CHD3: variants seen among roughly 807,000 people sequenced by gnomAD.
CHD3 encodes the protein chromodomain helicase DNA binding protein 3.
A neutral mutation model predicts 248.9 loss-of-function variants in CHD3; 52 were observed. That is an observed-to-expected ratio of 0.21 (90% CI 0.17 to 0.26). The LOEUF (loss-of-function observed/expected upper bound fraction) is 0.26. CHD3 is among the 10% of genes least tolerant of loss of function. The pLI is 1.00. For missense variants in CHD3, 1,482 were observed against 2,605.8 expected (o/e 0.57, Z 9.39); for synonymous variants, 985 against 985.2 (o/e 1.00, Z 0.00).
At chr17:7,902,880 G>A (rs1261537220) in intron 21 of CHD3, 57 bp from the exon 22 acceptor site, 5 of 1,601,778 alleles carry the variant, frequency 3.1e-6, no homozygotes, top group South Asian at 1.1e-5. Context: ...ACATCTAGGA[G>A]CAGGTGGACA....
In CHD3 at chr17:7,906,256, C is replaced by T; in HGVS notation, c.4358+267C>T. ...CCTCTCCTGGGCTGTCCTAGCCTCA[C>T]ATTTACTTGACCACAATAACCTGGC... On this transcript the variant is annotated intron_variant, in intron 28 of 39. Coordinates refer to ENST00000330494, the MANE Select transcript of CHD3 (RefSeq NM_001005273.3). This position sits in a 1 kb window ranked among gnomAD's most constrained non-coding sequence, Gnocchi z 5.0. 1 of 715,482 alleles carries T rather than the reference C, an allele frequency of 1.4e-6. No individual in the cohort carries two copies. The highest frequency in any genetic ancestry group is 2.5e-6 in the Non-Finnish European group (1 of 395,420). The allele number at this position is 715,482 out of a possible 1,614,324, so 44.3% of individuals were successfully genotyped here.
At position 7,898,020 on chromosome 17, in the gene CHD3, C is replaced by T. The variant is rs756903420; in HGVS notation, c.1969C>T (p.Pro657Ser). The T allele has an allele frequency of 1.1e-5, 17 of 1,613,880 alleles. No individual in the cohort carries two copies. In the East Asian group the frequency reaches 1.1e-4, roughly 11 times the overall value. ...CTATCTAGTAAAATGGAGGGACTTA[C>T]CATATGACCAGTCCACGTGGGAGGA... is the stretch of plus-strand genomic sequence containing the variant. ...YHYLVKWRDL[P>S]YDQSTWEEDE... is the part of the protein sequence containing the mutation. The change falls in exon 12 of 40, where the codon CCA becomes TCA. Residue 657 changes from proline to serine, a missense_variant. Transcript: ENST00000330494.
upstream of CHD3, among the ~76,000 whole-genome samples, chr17:7,886,003 T>A (rs1967882717): frequency 6.6e-6 from 1 of 151,702 alleles, no homozygotes; most frequent in Admixed American, 6.6e-5. The surrounding 1 kb of genome is among the most constrained non-coding windows in gnomAD (Gnocchi z 4.2). Context: ...GGCTCTTTTG[T>A]GTCAAGTGCG....
chr17:7,885,124 A>G, upstream of CHD3: 1 of 974,536 alleles, frequency 1.0e-6, no homozygotes, highest in Non-Finnish European at 1.2e-6. Flanking sequence ...CCCGAGTGGG[A>G]GCCGCGGGCG....
At position 7,903,526 on chromosome 17, in the gene CHD3, T is replaced by G; in HGVS notation, c.3727+23T>G. On this transcript the variant is annotated intron_variant, in intron 23 of 39. Coordinates refer to ENST00000330494, the MANE Select transcript of CHD3 (RefSeq NM_001005273.3). The surrounding 1 kb of genome is among the most constrained non-coding windows in gnomAD (Gnocchi z 6.8). ...AGGGTGAGAACCTTTTCTGCAGCTC[T>G]GTGAAAGCAGGCCCCTGCTCTCTCA... 4 of 1,579,652 alleles carry G rather than the reference T, an allele frequency of 2.5e-6. No homozygotes were observed. Among genetic ancestry groups the G allele is most frequent in the Non-Finnish European group, 3.5e-6 (4 of 1,154,738 alleles).
rs78698003 is a variant in CHD3, at chr17:7,901,107, G to T, written c.3120+114G>T. The T allele has an allele frequency of 1.4e-3, 2,091 of 1,511,468 alleles. 20 individuals are homozygous for T. In the African/African-American group the frequency reaches 0.025, roughly 18 times the overall value. 93.6% of individuals were successfully genotyped at this position (1,511,468 alleles called of 1,614,324 possible). On this transcript the variant is annotated intron_variant, in intron 19 of 39. Coordinates refer to ENST00000330494, the MANE Select transcript of CHD3 (RefSeq NM_001005273.3). Reference sequence around the variant, plus strand: ...GGGTGGAGCTGGGCTGGAAGGCCACGGACTGGGTGTCTGAGAACAGGAGGA... The same window carrying T: ...GGGTGGAGCTGGGCTGGAAGGCCACTGACTGGGTGTCTGAGAACAGGAGGA...
Position 7,907,984 on chromosome 17 carries a change from G to A in CHD3, c.5117G>A (p.Arg1706Gln), listed in dbSNP as rs1337917410. ...GRREEKTEKP[R>Q]FMFNIADGGF... is the part of the protein sequence containing the mutation. ...CGAGAGGAAAAGACAGAGAAGCCCC[G>A]GTTCATGTTCAATATCGCCGATGGT... The change falls in exon 34 of 40, where the codon CGG (arginine) becomes CAG (glutamine). Residue 1706 changes from arginine (R) to glutamine (Q), a missense_variant. Arg to Gln is a conservative substitution (Grantham distance 43). Around this residue, in one of 20 missense-constraint regions of CHD3, gnomAD observed 254 missense variants for 266.7 expected, o/e 0.95. Coordinates refer to ENST00000330494, the MANE Select transcript of CHD3 (RefSeq NM_001005273.3). The surrounding 1 kb of genome is among the most constrained non-coding windows in gnomAD (Gnocchi z 4.3). 6.2e-6 allele frequency: 10 copies of A among 1,611,156 alleles called. No homozygotes were observed. Among genetic ancestry groups the A allele is most frequent in the African/African-American group, 5.3e-5 (4 of 74,816 alleles).
rs1019097368 is a variant in CHD3 at position 7,895,264 on chromosome 17, C to T, written c.1504-75C>T. 4 of 1,576,366 alleles carry T rather than the reference C, an allele frequency of 2.5e-6. No homozygotes were observed. In the Admixed American group the frequency reaches 6.8e-5, roughly 27 times the overall value. On this transcript the variant is annotated intron_variant, in intron 9 of 39. Transcript: ENST00000330494. This position sits in a 1 kb window ranked among gnomAD's most constrained non-coding sequence, Gnocchi z 4.9. ...TCTGCACTCCCCCACCCTTGTGGGA[C>T]CCCTATCTTCTCATCTAACAATGGG...
In CHD3 at chr17:7,908,003, C is replaced by T. The variant is rs143311941; in HGVS notation, c.5136C>T (p.Ala1712=). The part of the protein sequence containing the change: ...TEKPRFMFNI[A]DGGFTELHTL... ...AGCCCCGGTTCATGTTCAATATCGCCGATGGTGGCTTCACAGGTTGGGGAG... is the reference window on the plus strand; with the variant it reads ...AGCCCCGGTTCATGTTCAATATCGCTGATGGTGGCTTCACAGGTTGGGGAG... The change falls in exon 34 of 40, where the codon GCC becomes GCT. Residue 1712 remains alanine, a synonymous_variant. Transcript: ENST00000330494. This position sits in a 1 kb window ranked among gnomAD's most constrained non-coding sequence, Gnocchi z 5.8. The T allele has an allele frequency of 3.1e-4, 498 of 1,604,770 alleles. No individual in the cohort carries two copies. The highest frequency in any genetic ancestry group is 4.0e-4 in the Non-Finnish European group (472 of 1,172,838).
chr17:7,910,829 G>A lies in CHD3; in HGVS notation c.5755-18G>A. On this transcript the variant is annotated intron_variant, in intron 38 of 39. Coordinates refer to ENST00000330494, the MANE Select transcript of CHD3 (RefSeq NM_001005273.3). This position sits in a 1 kb window ranked among gnomAD's most constrained non-coding sequence, Gnocchi z 4.7. ...AGACTATGAACTAACTCCAACTTCTGCTTCCTCTCTGTTCCAGGCCTACCC... is the reference window on the plus strand; with the variant it reads ...AGACTATGAACTAACTCCAACTTCTACTTCCTCTCTGTTCCAGGCCTACCC... The A allele has an allele frequency of 6.3e-7, 1 of 1,584,622 alleles. No individual in the cohort carries two copies. Among genetic ancestry groups the A allele is most frequent in the Non-Finnish European group, 8.5e-7 (1 of 1,169,602 alleles).
Position 7,910,903 on chromosome 17 carries a change from C to A in CHD3, c.5811C>A (p.Ala1937=). 1.2e-6 allele frequency: 2 copies of A among 1,613,580 alleles called. No homozygotes were observed. Among genetic ancestry groups the A allele is most frequent in the Non-Finnish European group, 8.5e-7 (1 of 1,179,852 alleles). Residue 1937 remains alanine, a synonymous_variant, in exon 39 of 40, where the codon GCC becomes GCA. Coordinates refer to ENST00000330494, the MANE Select transcript of CHD3 (RefSeq NM_001005273.3). This position sits in a 1 kb window ranked among gnomAD's most constrained non-coding sequence, Gnocchi z 4.7. The stretch of plus-strand genomic sequence containing the variant: ...CGGGGTACGGGGCGGCCTTCAGCGC[C>A]GCACCCGTAGGGGCCCTGGCCGCCG... ...TPPGYGAAFS[A]APVGALAAAG...
intron 4 of CHD3, among the ~76,000 whole-genome samples, chr17:7,891,889 C>T (rs1968920517): frequency 6.6e-6 from 1 of 151,692 alleles, no homozygotes. Flanking sequence ...AAAATAGTGC[C>T]GATGTATTTT....
rs1166727221 is a variant in CHD3 at position 7,905,094 on chromosome 17, C to T, written c.4073-6C>T. 8.7e-6 allele frequency: 14 copies of T among 1,613,950 alleles called. No homozygotes were observed. The highest frequency in any genetic ancestry group is 9.3e-6 in the Non-Finnish European group (11 of 1,179,964). ...CCTGACCACTGGGCCCTTTCCACCCCCACAGACAACCAGTCAGAGTACTCG... is the reference window on the plus strand; with the variant it reads ...CCTGACCACTGGGCCCTTTCCACCCTCACAGACAACCAGTCAGAGTACTCG... On this transcript the variant is annotated splice_polypyrimidine_tract_variant and splice_region_variant and intron_variant, in intron 25 of 39. Coordinates refer to ENST00000330494, the MANE Select transcript of CHD3 (RefSeq NM_001005273.3). The surrounding 1 kb of genome is among the most constrained non-coding windows in gnomAD (Gnocchi z 5.8).
Position 7,910,534 on chromosome 17 carries a change from C to G in CHD3, c.5697C>G (p.Ser1899=). Residue 1899 remains serine, a synonymous_variant, in exon 38 of 40, where the codon TCC becomes TCG. Transcript: ENST00000330494. The surrounding 1 kb of genome is among the most constrained non-coding windows in gnomAD (Gnocchi z 4.7). ...CCATCGCAGCCCGCCTTCAGATGTC[C>G]GAGCGCAGCATCCTCAGCCGGCTGG... ...IPPIAARLQM[S]ERSILSRLAS... The G allele has an allele frequency of 6.2e-7, 1 of 1,613,422 alleles. No individual in the cohort carries two copies. Among genetic ancestry groups the G allele is most frequent in the Non-Finnish European group, 8.5e-7 (1 of 1,180,028 alleles).
intron 8 of CHD3, 138 bp from the exon 9 acceptor site, chr17:7,894,779 A>C: frequency 7.1e-7 from 1 of 1,412,944 alleles, no homozygotes; most frequent in South Asian, 1.4e-5. Context: ...CATTTCTGAA[A>C]CTGGAGTGTC....
chr17:7,896,961 A>G (rs1221906602), intron 10 of CHD3, 122 bp from the exon 11 acceptor site: 4 of 805,570 alleles, frequency 5.0e-6, no homozygotes, highest in African/African-American at 1.7e-5. Context: ...GCCTGGGCCA[A>G]TCCATCCTTT....
In CHD3 at chr17:7,910,322, C is replaced by G; in HGVS notation, c.5591-106C>G. The G allele has an allele frequency of 1.4e-6, 2 of 1,398,690 alleles. No homozygotes were observed. The highest frequency in any genetic ancestry group is 2.3e-5 in the South Asian group (2 of 86,500). The allele number at this position is 1,398,690 out of a possible 1,614,324, so 86.6% of individuals were successfully genotyped here. A position where few individuals can be genotyped will look rare whatever the true frequency, so the allele number is the denominator to read the frequency against. The stretch of plus-strand genomic sequence containing the variant: ...GACATCTGTGTTCTCCTCTCTCGCT[C>G]TTTTTCTGCCTGTATCTGTCCATCT... On this transcript the variant is annotated intron_variant, in intron 37 of 39. Coordinates refer to ENST00000330494, the MANE Select transcript of CHD3 (RefSeq NM_001005273.3). The surrounding 1 kb of genome is among the most constrained non-coding windows in gnomAD (Gnocchi z 4.7).
At position 7,906,714 on chromosome 17, in the gene CHD3, C is replaced by A; in HGVS notation, c.4503+17C>A. 2 of 1,592,742 alleles carry A rather than the reference C, an allele frequency of 1.3e-6. No homozygotes were observed. The highest frequency in any genetic ancestry group is 1.1e-5 in the South Asian group (1 of 87,910). On this transcript the variant is annotated intron_variant, in intron 29 of 39. Transcript: ENST00000330494. The surrounding 1 kb of genome is among the most constrained non-coding windows in gnomAD (Gnocchi z 5.0). ...AAAAAGAAGGTATCAGTCTTCCTGT[C>A]ACCCAAAGAATCAAGCTGGCTGCCT...
rs1971046605 is a variant in CHD3, at chr17:7,906,995, G to T, written c.4630G>T (p.Ala1544Ser). 1.7e-5 allele frequency: 27 copies of T among 1,614,052 alleles called. No homozygotes were observed. Among genetic ancestry groups the T allele is most frequent in the Non-Finnish European group, 1.9e-5 (23 of 1,180,044 alleles). ...PTKTSPTTPE[A>S]SATNSPCTSK... ...CAAAACGTCTCCCACCACTCCTGAGGCTTCTGCTACCAACAGTCCCTGCAC... is the reference window on the plus strand; with the variant it reads ...CAAAACGTCTCCCACCACTCCTGAGTCTTCTGCTACCAACAGTCCCTGCAC... Residue 1544 changes from alanine (A) to serine (S), a missense_variant, in exon 30 of 40, where the codon GCT (alanine) becomes TCT (serine). Coordinates refer to ENST00000330494, the MANE Select transcript of CHD3 (RefSeq NM_001005273.3). The surrounding 1 kb of genome is among the most constrained non-coding windows in gnomAD (Gnocchi z 5.0).
Sources: allele counts gnomAD v4.1 joint callset (sites outside exome capture counted in the v4.1 genomes callset), GRCh38; gene constraint gnomAD v4.1.1; regional missense constraint gnomAD v4.1.1; non-coding constraint Gnocchi (gnomAD v3.1); transcripts MANE v1.5; gene names NCBI Gene and HGNC (gene_info 2026-07-23, HGNC 2026-07-21).